The following ITPK1 variants were observed in gnomAD, a reference collection of about 807,000 sequenced individuals.
ITPK1 encodes inositol 1,3,4-trisphosphate 5/6-kinase.
A neutral mutation model predicts 45.3 loss-of-function variants in ITPK1; 21 were observed. That is an observed-to-expected ratio of 0.46 (90% confidence interval 0.33 to 0.67). The LOEUF (loss-of-function observed/expected upper bound fraction) is 0.67. Among genes scored for constraint, ITPK1 ranks in the 30% least tolerant of loss-of-function variants. The probability of loss-of-function intolerance (pLI) is 0.02; values close to 1 mark genes in which losing one functional copy is unlikely to be tolerated. For missense variants in ITPK1, 474 were observed against 573.5 expected (o/e 0.83, Z 1.77); for synonymous variants, 258 against 253.6 (o/e 1.02, Z -0.16).
chr14:92,955,016 C>G (rs1028144506), intron 8 of ITPK1, among the ~76,000 whole-genome samples: 1 of 152,212 alleles, frequency 6.6e-6, no homozygotes, highest in Non-Finnish European at 1.5e-5. Context: ...GGGCAGGAAG[C>G]TGGGTGCCTG....
At chr14:93,097,377 G>C (rs1278321214) in intron 2 of ITPK1, among the ~76,000 whole-genome samples, 1 of 152,306 alleles carries the variant, frequency 6.6e-6, no homozygotes, top group East Asian at 1.9e-4. Flanking sequence ...TCAGGAACAA[G>C]CCCAGCAGCC....
At chr14:92,991,827 A>T (rs577987445) in intron 5 of ITPK1, among the ~76,000 whole-genome samples, 1 of 152,190 alleles carries the variant, frequency 6.6e-6, no homozygotes, top group Non-Finnish European at 1.5e-5. Flanking sequence ...TGAAGACTCA[A>T]TTAGGATGCT....
intron 3 of ITPK1, chr14:93,070,891 A>C (rs150615610): frequency 1.9e-5 from 3 of 153,908 alleles, no homozygotes; most frequent in Non-Finnish European, 4.4e-5. Context: ...GCACTCAGTG[A>C]GACCAACTCA....
At chr14:93,093,752 AG>A (rs965870382) in intron 2 of ITPK1, among the ~76,000 whole-genome samples, 1 of 152,172 alleles carries the variant, frequency 6.6e-6, no homozygotes, top group African/African-American at 2.4e-5. Context: ...TGGACTCTGA[AG>A]AGTTGATATC....
chr14:93,106,693 T>A (rs1199839968), intron 2 of ITPK1, among the ~76,000 whole-genome samples: 8 of 152,204 alleles, frequency 5.3e-5, no homozygotes, highest in African/African-American at 1.9e-4. Flanking sequence ...CCAGTGCATC[T>A]GAGAGCTGGT....
At chr14:93,069,998 T>C (rs1890924531) in intron 3 of ITPK1, 1 of 152,236 alleles carries the variant, frequency 6.6e-6, no homozygotes, top group South Asian at 2.1e-4. Flanking sequence ...GGTTTCATAG[T>C]GTCTGAATTC....
rs34085009 is a variant in ITPK1 at position 93,111,710 on chromosome 14, C to CAA, written c.95+3357_95+3358dup. Among the ~76,000 whole-genome samples, 242 of 76,696 alleles carry CAA rather than the reference C, an allele frequency of 3.2e-3. 1 individual carries two copies. The highest frequency in any genetic ancestry group is 7.5e-3 in the African/African-American group (145 of 19,408). The allele number at this position is 76,696 out of a possible 152,430, so 50.3% of individuals were successfully genotyped here. On this transcript the variant is annotated intron_variant, in intron 2 of 10. Transcript: ENST00000267615. ...TGGGCGACAAAGCGAGACTCCACCT[C>CAA]AAAAAAAAAAAAAAAAAGCCACAAA...
chr14:93,030,685 C>T lies in ITPK1; in HGVS notation c.121-13884G>A, dbSNP rs77377467. ...GGGCATGATAGGAAAGGGGGGCACT[C>T]GTCAGAGAAGGCCTGGTACAGGCTA... On this transcript the variant is annotated intron_variant, in intron 3 of 10. Transcript: ENST00000267615. Among the ~76,000 whole-genome samples the T allele has an allele frequency of 3.9e-3, 596 of 152,182 alleles. 2 individuals are homozygous for T. Among genetic ancestry groups the T allele is most frequent in the African/African-American group, 0.013 (539 of 41,508 alleles).
At chr14:92,949,015 C>T (rs1227610821) in intron 9 of ITPK1, among the ~76,000 whole-genome samples, 1 of 152,092 alleles carries the variant, frequency 6.6e-6, no homozygotes, top group African/African-American at 2.4e-5. Flanking sequence ...GCCTTGGTGT[C>T]GTATCTGGAA....
chr14:93,035,271 A>G (rs1889266357), intron 3 of ITPK1, among the ~76,000 whole-genome samples: 1 of 152,264 alleles, frequency 6.6e-6, no homozygotes. Flanking sequence ...CATGGTTGGC[A>G]GTTGGGCCAG....
intron 4 of ITPK1, among the ~76,000 whole-genome samples, chr14:93,007,748 A>G (rs1281739288): frequency 6.6e-6 from 1 of 152,188 alleles, no homozygotes; most frequent in East Asian, 1.9e-4. Context: ...TCTGTTCCAC[A>G]TGTCAGCCAT....
At chr14:93,092,742 T>C (rs1212760157) in intron 2 of ITPK1, among the ~76,000 whole-genome samples, 1 of 152,208 alleles carries the variant, frequency 6.6e-6, no homozygotes, top group East Asian at 1.9e-4. Flanking sequence ...TCCTGGCTGA[T>C]GTCCACTGGG....
chr14:93,039,876 G>A (rs1889489127), intron 3 of ITPK1, among the ~76,000 whole-genome samples: 1 of 152,226 alleles, frequency 6.6e-6, no homozygotes, highest in Non-Finnish European at 1.5e-5. Flanking sequence ...TGACACCTTT[G>A]CTTCTCCAAG....
At position 92,946,403 on chromosome 14, in the gene ITPK1, G is replaced by T; in HGVS notation, c.829C>A (p.Leu277Ile). The change falls in exon 10 of 11, where the codon CTC becomes ATC. Residue 277 changes from leucine to isoleucine, a missense_variant. Physicochemically the swap from Leu to Ile is conservative, Grantham distance 5. Coordinates refer to ENST00000267615, the MANE Select transcript of ITPK1 (RefSeq NM_014216.6). ...RALRQALGVS[L>I]FGIDIIINNQ... Reference sequence around the variant, plus strand: ...TTGATGATGATGTCGATGCCGAAGAGTGACACGCCCAGTGCCTGCCGCAGG... The same window carrying T: ...TTGATGATGATGTCGATGCCGAAGATTGACACGCCCAGTGCCTGCCGCAGG... 6.2e-7 allele frequency: 1 copy of T among 1,613,392 alleles called. No individual in the cohort carries two copies. The highest frequency in any genetic ancestry group is 8.5e-7 in the Non-Finnish European group (1 of 1,180,010).
intron 4 of ITPK1, among the ~76,000 whole-genome samples, chr14:93,003,337 C>G (rs1181618506): frequency 6.6e-6 from 1 of 152,196 alleles, no homozygotes; most frequent in African/African-American, 2.4e-5. Context: ...GAAACCAACC[C>G]CTGTTGATTA....
At chr14:92,981,226 C>T (rs973426398) in intron 5 of ITPK1, among the ~76,000 whole-genome samples, 13 of 152,174 alleles carry the variant, frequency 8.5e-5, no homozygotes, top group Admixed American at 6.5e-5. Context: ...TGACCAGAGT[C>T]ACCACCCTCA....
rs377386528 is a variant in ITPK1 at position 93,059,885 on chromosome 14, G to C, written c.120+16710C>G. Among the ~76,000 whole-genome samples the C allele has an allele frequency of 1.7e-3, 260 of 149,230 alleles. 3 individuals are homozygous for C. Among genetic ancestry groups the C allele is most frequent in the African/African-American group, 6.0e-3 (243 of 40,232 alleles). On this transcript the variant is annotated intron_variant, in intron 3 of 10. Coordinates refer to ENST00000267615, the MANE Select transcript of ITPK1 (RefSeq NM_014216.6). ...GGGTGCAAGTCACGAGGCAGGGGTG[G>C]AGGGGGTGCAGGTCATGAGGCAGGG...
chr14:92,960,952 G>T (rs1370406210), intron 7 of ITPK1, among the ~76,000 whole-genome samples: 1 of 152,202 alleles, frequency 6.6e-6, no homozygotes, highest in Non-Finnish European at 1.5e-5. Flanking sequence ...ACGGGACGGC[G>T]GGCTGTCTCC....
intron 3 of ITPK1, chr14:93,066,504 G>C (rs538779278): frequency 1.3e-5 from 4 of 319,136 alleles, no homozygotes; most frequent in African/African-American, 2.2e-5. Context: ...TCCCGCGTTC[G>C]CGCCATTCTC....
Sources: gnomAD v4.1 joint callset for allele counts (sites outside exome capture counted in the v4.1 genomes callset) on GRCh38, gnomAD v4.1.1 for gene constraint, MANE v1.5 for transcripts, NCBI Gene and HGNC (gene_info 2026-07-23, HGNC 2026-07-21) for gene names.